Variants in MEIS2 observed in about 807,000 individuals in gnomAD.
MEIS2 encodes Meis homeobox 2, also known as homeobox protein Meis2.
A neutral mutation model predicts 58.6 loss-of-function variants in MEIS2; 9 were observed. The observed-to-expected ratio is 0.15, with a 90% CI of 0.09 to 0.27. MEIS2 has a LOEUF of 0.27. Ranked by LOEUF, MEIS2 falls within the 10% of genes least tolerant of loss-of-function variation. The pLI is 1.00. For synonymous variants in MEIS2, 221 were observed against 228.4 expected, an observed-to-expected ratio of 0.97 and a Z score of 0.29; for missense variants, 427 against 635.0, an observed-to-expected ratio of 0.67 and a Z score of 3.52.
At chr15:37,041,171 T>C (rs1312310938) in intron 7 of MEIS2, among the ~76,000 whole-genome samples, 3 of 152,200 alleles carry the variant, frequency 2.0e-5, no homozygotes, top group East Asian at 1.9e-4. Context: ...CTATAGAACA[T>C]TGGCTCTGTG....
chr15:36,911,044 C>CAAA (rs1187244002), intron 9 of MEIS2, among the ~76,000 whole-genome samples: 10 of 83,258 alleles, frequency 1.2e-4, no homozygotes, highest in East Asian at 4.1e-4. Flanking sequence ...GACTCTGTCT[C>CAAA]AAAAAAAAAA....
At chr15:36,988,049 T>C (rs1007896154) in intron 8 of MEIS2, among the ~76,000 whole-genome samples, 3 of 152,140 alleles carry the variant, frequency 2.0e-5, no homozygotes, top group Non-Finnish European at 2.9e-5. Flanking sequence ...AGTCTAGAGA[T>C]CTAATGAGGA....
At chr15:36,965,555 A>G (rs776406211) in intron 8 of MEIS2, among the ~76,000 whole-genome samples, 5 of 152,252 alleles carry the variant, frequency 3.3e-5, no homozygotes, top group Admixed American at 6.5e-5. Context: ...ATTAAAAGCC[A>G]ATAACTGTAG....
intron 8 of MEIS2, chr15:37,036,569 G>A: frequency 2.6e-6 from 1 of 390,124 alleles, no homozygotes; most frequent in East Asian, 4.7e-5. Flanking sequence ...GCTGTTTAGG[G>A]TCTTAGATCA....
intron 7 of MEIS2, chr15:37,050,959 G>A (rs1056627895): frequency 6.6e-6 from 1 of 152,328 alleles, no homozygotes; most frequent in Non-Finnish European, 1.5e-5. Context: ...GGTTGAGTAT[G>A]ACCTCAGTCA....
intron 7 of MEIS2, among the ~76,000 whole-genome samples, chr15:37,049,571 C>T (rs1162543980): frequency 2.0e-5 from 3 of 152,036 alleles, no homozygotes; most frequent in Admixed American, 6.6e-5. Context: ...ATTGCAACCT[C>T]CGCCTCTTGG....
chr15:37,080,165 CA>C (rs1567270297), intron 7 of MEIS2, among the ~76,000 whole-genome samples: 1 of 152,108 alleles, frequency 6.6e-6, no homozygotes, highest in African/African-American at 2.4e-5. Context: ...ATTGGCACAT[CA>C]AAATATTGAA....
chr15:37,066,972 G>T (rs2141859070), intron 7 of MEIS2, among the ~76,000 whole-genome samples: 1 of 151,922 alleles, frequency 6.6e-6, no homozygotes, highest in Non-Finnish European at 1.5e-5. Context: ...GTAGAGATGG[G>T]GTCTTGCTTT....
chr15:37,073,226 G>A (rs1234282396), intron 7 of MEIS2, among the ~76,000 whole-genome samples: 1 of 152,054 alleles, frequency 6.6e-6, no homozygotes, highest in Non-Finnish European at 1.5e-5. Flanking sequence ...TACAGGTGAA[G>A]AAACAAACAT....
chr15:36,992,349 G>C (rs1337048425), intron 8 of MEIS2, among the ~76,000 whole-genome samples: 1 of 152,044 alleles, frequency 6.6e-6, no homozygotes, highest in African/African-American at 2.4e-5. Context: ...AAATGTAATA[G>C]TGACAAGTGT....
At chr15:37,015,915 G>A (rs1477181760) in intron 8 of MEIS2, among the ~76,000 whole-genome samples, 2 of 151,846 alleles carry the variant, frequency 1.3e-5, no homozygotes, top group Non-Finnish European at 2.9e-5. Context: ...TTTCTATAAC[G>A]AAAGAAAACC....
At chr15:36,910,890 C>T (rs924415258) in intron 9 of MEIS2, among the ~76,000 whole-genome samples, 1 of 151,934 alleles carries the variant, frequency 6.6e-6, no homozygotes, top group Non-Finnish European at 1.5e-5. Context: ...ACTAAAAATA[C>T]AAAAAATTAG....
chr15:36,968,611 G>C (rs1033257117), intron 8 of MEIS2, among the ~76,000 whole-genome samples: 1 of 152,180 alleles, frequency 6.6e-6, no homozygotes, highest in Non-Finnish European at 1.5e-5. Context: ...AGCAAAACTA[G>C]AGAATTCACA....
intron 8 of MEIS2, among the ~76,000 whole-genome samples, chr15:36,995,974 T>TG (rs2060485888): frequency 1.9e-4 from 2 of 10,352 alleles, no homozygotes; most frequent in Non-Finnish European, 1.2e-3. Flanking sequence ...TATATATATA[T>TG]ATATATATAT....
At chr15:36,939,210 T>C (rs1232365148) in intron 9 of MEIS2, among the ~76,000 whole-genome samples, 3 of 152,224 alleles carry the variant, frequency 2.0e-5, no homozygotes, top group Non-Finnish European at 4.4e-5. Flanking sequence ...CATGCATGTT[T>C]ACTTCTCCAG....
At chr15:37,099,016 G>A (rs1894755395) in intron 1 of MEIS2, 1 of 983,278 alleles carries the variant, frequency 1.0e-6, no homozygotes, top group African/African-American at 1.8e-5. Flanking sequence ...CGCGGCCCCA[G>A]CGGCGGCCCC....
chr15:37,078,256 C>T (rs545909370), intron 7 of MEIS2, among the ~76,000 whole-genome samples: 33 of 151,972 alleles, frequency 2.2e-4, no homozygotes, highest in African/African-American at 7.5e-4. Context: ...AGAGCAGAGC[C>T]ATAGAGTAAC....
intron 8 of MEIS2, among the ~76,000 whole-genome samples, chr15:36,991,226 C>A (rs916835346): frequency 4.7e-5 from 7 of 148,934 alleles, no homozygotes; most frequent in African/African-American, 1.2e-4. Flanking sequence ...TCCCTTAATT[C>A]TTCTGTAAAA....
chr15:36,946,460 A>C (rs1172865026), intron 9 of MEIS2, among the ~76,000 whole-genome samples: 2 of 151,790 alleles, frequency 1.3e-5, no homozygotes, highest in African/African-American at 4.8e-5. Flanking sequence ...GAAGCTACAA[A>C]AGTCTATCTT....
Sources: allele counts gnomAD v4.1 joint callset (sites outside exome capture counted in the v4.1 genomes callset), GRCh38; gene constraint gnomAD v4.1.1; transcripts MANE v1.5; gene names NCBI Gene and HGNC (gene_info 2026-07-23, HGNC 2026-07-21).